Variants in SIGLEC1 observed in about 807,000 individuals in gnomAD.
SIGLEC1 encodes the protein sialoadhesin.
In SIGLEC1, 132 loss-of-function variants were observed where a neutral mutation model predicts 148.0. That is an observed-to-expected ratio of 0.89 (90% CI 0.77 to 1.03). The LOEUF (loss-of-function observed/expected upper bound fraction) is 1.03, where lower values mean the gene tolerates loss of function less well. Among genes scored for constraint, SIGLEC1 ranks in the 50% least tolerant of loss-of-function variants. The pLI is 0.00. For missense variants in SIGLEC1, 2,253 were observed against 2,271.4 expected (o/e 0.99, Z 0.16); for synonymous variants, 945 against 969.0 (o/e 0.98, Z 0.46).
chr20:3,690,539 A>T (rs1271765081), intron 18 of SIGLEC1, among the ~76,000 whole-genome samples: 1 of 152,270 alleles, frequency 6.6e-6, no homozygotes, highest in Non-Finnish European at 1.5e-5. Flanking sequence ...CATGTGGCCC[A>T]ACTGGCAGCC....
At chr20:3,689,898 C>T (rs768255273) in intron 19 of SIGLEC1, 64 bp downstream of exon 19, 15 of 1,418,976 alleles carry the variant, frequency 1.1e-5, no homozygotes, top group Non-Finnish European at 1.5e-5. Context: ...GGAAGGAAGC[C>T]TTTGGGCCTA....
At chr20:3,704,639 G>C (rs4813638) in intron 4 of SIGLEC1, among the ~76,000 whole-genome samples, 15,405 of 152,270 alleles carry the variant, frequency 0.1, 922 homozygotes, top group African/African-American at 0.15. Flanking sequence ...TTTTTAGAAA[G>C]AGGATCTGGC....
In SIGLEC1 at chr20:3,697,284, CAA is replaced by C; in HGVS notation, c.2179_2180del (p.Leu727AspfsTer14). 6.2e-7 allele frequency: 1 copy of C among 1,613,978 alleles called. No homozygotes were observed. The highest frequency in any genetic ancestry group is 8.5e-7 in the Non-Finnish European group (1 of 1,180,022). ...HTLQEGTEAN[L>X]TCNVSREAAG... is the part of the protein sequence containing the mutation. The stretch of plus-strand genomic sequence containing the variant: ...CAGCTTCCCGGCTCACGTTGCAAGT[CAA>C]GTTGGCTTCTGTGCCCTCCTGAAGT... On this transcript the variant is annotated frameshift_variant, in exon 10 of 22. Transcript: ENST00000344754. LOFTEE classifies it high-confidence loss of function.
At chr20:3,692,352 G>A (rs1340605691) in intron 16 of SIGLEC1, 150 bp from the exon 17 acceptor site, 2 of 1,156,938 alleles carry the variant, frequency 1.7e-6, no homozygotes, top group Non-Finnish European at 1.2e-6. Context: ...TGGGCAGAGT[G>A]CTCCAGGCAG....
At chr20:3,712,071 A>T (rs1413078578) in intron 1 of SIGLEC1, among the ~76,000 whole-genome samples, 1 of 151,768 alleles carries the variant, frequency 6.6e-6, no homozygotes, top group African/African-American at 2.4e-5. Context: ...CTGGGTTGAG[A>T]TGAGGATGAT....
rs1183677956 is a variant in SIGLEC1, at chr20:3,698,084, A to G, written c.1836T>C (p.Ala612=). 6.2e-7 allele frequency: 1 copy of G among 1,608,066 alleles called. No homozygotes were observed. Among genetic ancestry groups the G allele is most frequent in the Middle Eastern group, 1.7e-4 (1 of 5,782 alleles). ...TFTTRLDLDA[A]GAGAGRRGLL... ...GGCCTCGCCGTCCAGCCCCGGCCCC[A>G]GCGGCATCAAGGTCCAGCCTGGTGG... is the stretch of plus-strand genomic sequence containing the variant. The change falls in exon 9 of 22, where the codon GCT becomes GCC. Residue 612 remains alanine, a synonymous_variant. Coordinates refer to ENST00000344754, the MANE Select transcript of SIGLEC1 (RefSeq NM_023068.4).
In SIGLEC1 at chr20:3,689,719, G is replaced by A. The variant is rs1412362823; in HGVS notation, c.4895-17C>T. On this transcript the variant is annotated splice_polypyrimidine_tract_variant and intron_variant, in intron 19 of 21. Transcript: ENST00000344754. Reference sequence around the variant, plus strand: ...GGTGCAGGGCTGGAACACAGAGCGGGACTCAGAGCAGCCACAGCTGCAGGC... The same window carrying A: ...GGTGCAGGGCTGGAACACAGAGCGGAACTCAGAGCAGCCACAGCTGCAGGC... 4 of 1,556,814 alleles carry A rather than the reference G, an allele frequency of 2.6e-6. No individual in the cohort carries two copies. Among genetic ancestry groups the A allele is most frequent in the Admixed American group, 1.9e-5 (1 of 52,178 alleles).
At chr20:3,700,683 T>A (rs2087843542) in intron 7 of SIGLEC1, among the ~76,000 whole-genome samples, 1 of 135,356 alleles carries the variant, frequency 7.4e-6, no homozygotes, top group Admixed American at 8.5e-5. Context: ...ACCGTACTTT[T>A]CTTTTTTCTT....
Position 3,688,237 on chromosome 20 carries a change from T to TA in SIGLEC1, c.*322_*323insT, listed in dbSNP as rs2088718174. The stretch of plus-strand genomic sequence containing the variant: ...GCTGCAATCCAACCAAAGTCCAGGG[T>TA]GACTTTCGAGGAGAAGGATGTGAAA... On this transcript the variant is annotated 3_prime_UTR_variant, in exon 22 of 22. Transcript: ENST00000344754. 9 of 374,860 alleles carry TA rather than the reference T, an allele frequency of 2.4e-5. No individual in the cohort carries two copies. The highest frequency in any genetic ancestry group is 1.6e-4 in the South Asian group (7 of 44,334). The allele number at this position is 374,860 out of a possible 1,614,324, so 23.2% of individuals were successfully genotyped here.
chr20:3,695,316 A>G (rs1324085666), intron 11 of SIGLEC1, among the ~76,000 whole-genome samples: 8 of 152,356 alleles, frequency 5.3e-5, no homozygotes, highest in African/African-American at 1.4e-4. Flanking sequence ...GATTTAGATC[A>G]TCCCGGGGCC....
chr20:3,689,062 G>A, intron 21 of SIGLEC1, 93 bp downstream of exon 21: 3 of 1,123,532 alleles, frequency 2.7e-6, no homozygotes, highest in Non-Finnish European at 4.1e-6. Flanking sequence ...TTGGTCCCAG[G>A]CACCATCCTC....
intron 3 of SIGLEC1, 80 bp downstream of exon 3, chr20:3,706,267 G>A: frequency 6.5e-7 from 1 of 1,527,564 alleles, no homozygotes; most frequent in South Asian, 1.2e-5. Context: ...TCAGGACAAG[G>A]GCTGGGGCTG....
rs767615450 is a variant in SIGLEC1, at chr20:3,698,080, C to G, written c.1840G>C (p.Ala614Pro). The G allele has an allele frequency of 6.2e-7, 1 of 1,608,422 alleles. No individual in the cohort carries two copies. The highest frequency in any genetic ancestry group is 2.2e-5 in the East Asian group (1 of 44,774). ...AGGAGGCCTCGCCGTCCAGCCCCGGCCCCAGCGGCATCAAGGTCCAGCCTG... is the reference window on the plus strand; with the variant it reads ...AGGAGGCCTCGCCGTCCAGCCCCGGGCCCAGCGGCATCAAGGTCCAGCCTG... Reference protein sequence around the residue: ...TTRLDLDAAGAGAGRRGLLLC... With the variant: ...TTRLDLDAAGPGAGRRGLLLC... The change falls in exon 9 of 22, where the codon GCC becomes CCC. Residue 614 changes from alanine to proline, a missense_variant. Ala to Pro is a conservative substitution (Grantham distance 27, BLOSUM62 -1). Transcript: ENST00000344754.
In SIGLEC1 at chr20:3,701,595, C is replaced by A; in HGVS notation, c.1275G>T (p.Ala425=). The A allele has an allele frequency of 1.9e-6, 3 of 1,592,094 alleles. No homozygotes were observed. In the African/African-American group the frequency reaches 4.0e-5, roughly 21 times the overall value. Residue 425 remains alanine, a synonymous_variant, in exon 7 of 22, where the codon GCG becomes GCT. Transcript: ENST00000344754. ...PVLTAFLETQ[A]GLVGILHCSV... is the part of the protein sequence containing the mutation. ...AGCAGTGAAGGATGCCCACAAGTCCCGCCTGGGTCTCCAGGAAGGCTGTCA... is the reference window on the plus strand; with the variant it reads ...AGCAGTGAAGGATGCCCACAAGTCCAGCCTGGGTCTCCAGGAAGGCTGTCA...
In SIGLEC1 at chr20:3,693,649, C is replaced by CA. The variant is rs759313170; in HGVS notation, c.3305dup (p.Val1103GlyfsTer134). ...TCCACACAAGGCAGGTCAGGTTCAC[C>CA]AGCTGCCCCTCCCGCACGGTAGCCC... is the stretch of plus-strand genomic sequence containing the variant. On this transcript the variant is annotated frameshift_variant, in exon 14 of 22. Coordinates refer to ENST00000344754, the MANE Select transcript of SIGLEC1 (RefSeq NM_023068.4). LOFTEE classifies it high-confidence loss of function. The CA allele has an allele frequency of 1.9e-6, 3 of 1,609,970 alleles. No homozygotes were observed. In the Admixed American group the frequency reaches 5.0e-5, roughly 27 times the overall value.
At position 3,696,679 on chromosome 20, in the gene SIGLEC1, G is replaced by C. The variant is rs150057397; in HGVS notation, c.2590C>G (p.Arg864Gly). ...AEANSLKLEV[R>G]ELGLGDSGSY... ...CCAGAGTCCCCAAGGCCCAGTTCTCGGACCTCTAACTTCAGGGAGTTGGCC... is the reference window on the plus strand; with the variant it reads ...CCAGAGTCCCCAAGGCCCAGTTCTCCGACCTCTAACTTCAGGGAGTTGGCC... The change falls in exon 11 of 22, where the codon CGA (arginine) becomes GGA (glycine). Residue 864 changes from arginine to glycine, a missense_variant. Coordinates refer to ENST00000344754, the MANE Select transcript of SIGLEC1 (RefSeq NM_023068.4). 4 of 1,613,788 alleles carry C rather than the reference G, an allele frequency of 2.5e-6. No homozygotes were observed.
At chr20:3,696,141 A>AACACACACAC (rs71195853) in intron 11 of SIGLEC1, among the ~76,000 whole-genome samples, 48 of 145,188 alleles carry the variant, frequency 3.3e-4, no homozygotes, top group African/African-American at 1.2e-3. Context: ...CACACACACA[A>AACACACACAC]ACACACACAC....
chr20:3,702,218 C>A (rs1219898776), intron 6 of SIGLEC1, among the ~76,000 whole-genome samples: 1 of 151,830 alleles, frequency 6.6e-6, no homozygotes, highest in Non-Finnish European at 1.5e-5. Context: ...TATTCTGGAC[C>A]AGAAAAAAAA....
intron 1 of SIGLEC1, among the ~76,000 whole-genome samples, chr20:3,711,161 C>T (rs2087926695): frequency 6.6e-6 from 1 of 152,200 alleles, no homozygotes; most frequent in Non-Finnish European, 1.5e-5. Flanking sequence ...CTGAACCATC[C>T]CTCCCTTGGG....
Sources: gnomAD v4.1 joint callset for allele counts (sites outside exome capture counted in the v4.1 genomes callset) on GRCh38, gnomAD v4.1.1 for gene constraint, MANE v1.5 for transcripts, NCBI Gene and HGNC (gene_info 2026-07-23, HGNC 2026-07-21) for gene names.